CCNL2: variants seen among roughly 807,000 people sequenced by gnomAD.
CCNL2 encodes the protein cyclin-L2.
In CCNL2, 28 loss-of-function variants were observed where a neutral mutation model predicts 59.1. That is an observed-to-expected ratio of 0.47 (90% CI 0.35 to 0.65). CCNL2 has a LOEUF of 0.65. Among genes scored for constraint, CCNL2 ranks in the 30% least tolerant of loss-of-function variants. The pLI is 0.00. For missense variants in CCNL2, 714 were observed against 717.4 expected (o/e 1.00, Z 0.05); for synonymous variants, 342 against 288.6 (o/e 1.19, Z -1.88).
intron 8 of CCNL2, chr1:1,388,675 G>C: frequency 2.3e-6 from 1 of 430,104 alleles, no homozygotes; most frequent in Non-Finnish European, 4.6e-6. Context: ...GGAGGCTGAG[G>C]CACAAGAATC....
At chr1:1,395,862 G>T (rs538582142) in intron 3 of CCNL2, among the ~76,000 whole-genome samples, 1 of 152,258 alleles carries the variant, frequency 6.6e-6, no homozygotes, top group South Asian at 2.1e-4. Flanking sequence ...AATAACCACA[G>T]AACCAATGAA....
rs1202477971 is a variant in CCNL2, at chr1:1,385,825, TCTTA to T, written c.*1402_*1405del. On this transcript the variant is annotated 3_prime_UTR_variant, in exon 11 of 11. Coordinates refer to ENST00000400809, the MANE Select transcript of CCNL2 (RefSeq NM_030937.6). Reference sequence around the variant, plus strand: ...GGTGTGTATGGCCCTTTACTGGTTCTCTTACTTCCAGGCACAGGAAGCTAGGGGG... The same window carrying T: ...GGTGTGTATGGCCCTTTACTGGTTCTCTTCCAGGCACAGGAAGCTAGGGGG... 3 of 152,150 alleles carry T rather than the reference TCTTA, an allele frequency of 2.0e-5. No homozygotes were observed. The highest frequency in any genetic ancestry group is 6.5e-5 in the Admixed American group (1 of 15,274). The allele number at this position is 152,150 out of a possible 1,614,324, so 9.4% of individuals were successfully genotyped here.
rs1304204177 is a variant in CCNL2 at position 1,391,427 on chromosome 1, T to C, written c.660-562A>G. 3 of 1,211,148 alleles carry C rather than the reference T, an allele frequency of 2.5e-6. No individual in the cohort carries two copies. The African/African-American group carries it at 4.8e-5, about 20-fold the overall frequency. The allele number at this position is 1,211,148 out of a possible 1,614,324, so 75.0% of individuals were successfully genotyped here. On this transcript the variant is annotated intron_variant, in intron 5 of 10. Transcript: ENST00000400809. ...TCTGCTGACCGAGCTGCAGCTTCCT[T>C]GAAGGAGTCCACTTGGAAGAGGGAA...
chr1:1,392,919 G>A (rs1644829288), intron 5 of CCNL2: 1 of 1,053,578 alleles, frequency 9.5e-7, no homozygotes, highest in Non-Finnish European at 1.4e-6. Context: ...AACTCCATGG[G>A]AAAAAATTCA....
chr1:1,390,269 G>T lies in CCNL2; in HGVS notation c.967C>A (p.Leu323Met). Residue 323 changes from leucine to methionine, a missense_variant, in exon 8 of 11, where the codon CTG becomes ATG. This residue lies in a region of CCNL2 where 403 missense variants were observed against 377.7 expected (regional missense o/e 1.07). Coordinates refer to ENST00000400809, the MANE Select transcript of CCNL2 (RefSeq NM_030937.6). ...RGLLPGGTQV[L>M]DGTSGFSPAP... ...GGAGAGAACCCCGAGGTACCATCCA[G>T]CACCTGTGTGCCCCCAGGCAACAGG... The T allele has an allele frequency of 6.2e-7, 1 of 1,613,752 alleles. No homozygotes were observed. The highest frequency in any genetic ancestry group is 8.5e-7 in the Non-Finnish European group (1 of 1,179,742).
intron 3 of CCNL2, 36 bp from the exon 4 acceptor site, chr1:1,395,550 C>T (rs772992705): frequency 1.2e-6 from 2 of 1,611,914 alleles, no homozygotes; most frequent in Non-Finnish European, 1.7e-6. Context: ...GCACCACAGT[C>T]AAGCAGAGCA....
In CCNL2 at chr1:1,390,217, C is replaced by T. The variant is rs757593691; in HGVS notation, c.1006+13G>A. On this transcript the variant is annotated intron_variant, in intron 8 of 10. Coordinates refer to ENST00000400809, the MANE Select transcript of CCNL2 (RefSeq NM_030937.6). ...TTTGTGGGGAGTGGATTCCTGCACT[C>T]TAACAGACTCACCCAGCTTGGGGGC... is the stretch of plus-strand genomic sequence containing the variant. 6.2e-7 allele frequency: 1 copy of T among 1,600,716 alleles called. No individual in the cohort carries two copies. The highest frequency in any genetic ancestry group is 1.1e-5 in the South Asian group (1 of 90,356).
At position 1,387,405 on chromosome 1, in the gene CCNL2, G is replaced by C. The variant is rs757699796; in HGVS notation, c.1389C>G (p.Ser463Arg). Residue 463 changes from serine (S) to arginine (R), a missense_variant, in exon 11 of 11, where the codon AGC (serine) becomes AGG (arginine). Ser to Arg is a moderately radical substitution (Grantham distance 110). Around this residue, in one of 5 missense-constraint regions of CCNL2, gnomAD observed 403 missense variants for 377.7 expected, o/e 1.07. Coordinates refer to ENST00000400809, the MANE Select transcript of CCNL2 (RefSeq NM_030937.6). The stretch of plus-strand genomic sequence containing the variant: ...TGCTTCGAGAACGGGAAGAACTCCG[G>C]CTCCGAGACTTGTGTGGCTTCTGGG... The part of the protein sequence containing the change: ...KYPQKPHKSR[S>R]RSSSRSRSRS... The C allele has an allele frequency of 6.2e-7, 1 of 1,614,102 alleles. No individual in the cohort carries two copies. Among genetic ancestry groups the C allele is most frequent in the Non-Finnish European group, 8.5e-7 (1 of 1,180,032 alleles).
chr1:1,388,678 CAAG>C (rs1193331234), intron 8 of CCNL2: 1 of 400,408 alleles, frequency 2.5e-6, no homozygotes, highest in Non-Finnish European at 4.8e-6. Context: ...GGCTGAGGCA[CAAG>C]AATCACCAGA....
intron 3 of CCNL2, among the ~76,000 whole-genome samples, chr1:1,397,163 A>G (rs1447720763): frequency 3.3e-5 from 5 of 152,236 alleles, no homozygotes; most frequent in African/African-American, 1.2e-4. Flanking sequence ...ATTACAGGCC[A>G]GCCCGGCCAG....
Position 1,387,193 on chromosome 1 carries a change from G to A in CCNL2, c.*38C>T, listed in dbSNP as rs1385029053. On this transcript the variant is annotated 3_prime_UTR_variant, in exon 11 of 11. Coordinates refer to ENST00000400809, the MANE Select transcript of CCNL2 (RefSeq NM_030937.6). ...AAGGGCAGCCATCAGGTACTCCCCA[G>A]GGAAGGGCTTGCGGCCACCAGTCAC... The A allele has an allele frequency of 3.2e-6, 5 of 1,553,466 alleles. 1 individual carries two copies. In the South Asian group the frequency reaches 5.8e-5, roughly 18 times the overall value.
intron 3 of CCNL2, 113 bp from the exon 4 acceptor site, chr1:1,395,627 C>T (rs1644977107): frequency 1.4e-6 from 2 of 1,445,112 alleles, no homozygotes; most frequent in Non-Finnish European, 1.9e-6. Context: ...AACACAACAT[C>T]GCTATGAAGT....
intron 10 of CCNL2, 37 bp from the exon 11 acceptor site, chr1:1,387,619 T>A: frequency 6.9e-7 from 1 of 1,456,948 alleles, no homozygotes; most frequent in South Asian, 1.4e-5. Context: ...CGTGTGACCA[T>A]CTGGCCCGGC....
In CCNL2 at chr1:1,387,265, C is replaced by T. The variant is rs778265882; in HGVS notation, c.1529G>A (p.Arg510Gln). 73 of 1,610,454 alleles carry T rather than the reference C, an allele frequency of 4.5e-5. No individual in the cohort carries two copies. The Admixed American group carries it at 8.3e-4, about 18-fold the overall frequency. Residue 510 changes from arginine to glutamine, a missense_variant, in exon 11 of 11, where the codon CGG becomes CAG. Transcript: ENST00000400809. ...SYERTGRRYERDHPGHSRHRR is the reference protein window; with the variant it reads ...SYERTGRRYEQDHPGHSRHRR ...ATGCCTGCTGTGCCCAGGGTGGTCC[C>T]GCTCATAGCGACGGCCTGTGCGTTC...
rs1645237826 is a variant in CCNL2 at position 1,399,264 on chromosome 1, C to A, written c.43G>T (p.Ala15Ser). 6.4e-7 allele frequency: 1 copy of A among 1,568,944 alleles called. No homozygotes were observed. The highest frequency in any genetic ancestry group is 8.6e-7 in the Non-Finnish European group (1 of 1,161,626). The stretch of plus-strand genomic sequence containing the variant: ...GGGGCGCCGGCCGCTGCCGCGGGAG[C>A]TGCCGACCCTGCAGCACCAGCCGCC... ...AAAAGAAGSA[A>S]PAAAAGAPGS... The change falls in exon 1 of 11, where the codon GCT becomes TCT. Residue 15 changes from alanine to serine, a missense_variant. Coordinates refer to ENST00000400809, the MANE Select transcript of CCNL2 (RefSeq NM_030937.6).
intron 8 of CCNL2, 148 bp from the exon 9 acceptor site, chr1:1,388,213 TAC>T: frequency 3.1e-6 from 2 of 642,534 alleles, no homozygotes; most frequent in Non-Finnish European, 5.5e-6. Flanking sequence ...ACCCAGAACT[TAC>T]ACAGACATCA....
chr1:1,390,641 C>A (rs1644714810), intron 6 of CCNL2, 78 bp from the exon 7 acceptor site: 3 of 1,478,596 alleles, frequency 2.0e-6, no homozygotes, highest in Non-Finnish European at 2.8e-6. Context: ...TAAAAAACAG[C>A]CTGTTGGTCA....
In CCNL2 at chr1:1,399,261, G is replaced by A; in HGVS notation, c.46C>T (p.Pro16Ser). ...AAAGAAGSAA[P>S]AAAAGAPGSG... ...CCCGGGGCGCCGGCCGCTGCCGCGGGAGCTGCCGACCCTGCAGCACCAGCC... is the reference window on the plus strand; with the variant it reads ...CCCGGGGCGCCGGCCGCTGCCGCGGAAGCTGCCGACCCTGCAGCACCAGCC... The change falls in exon 1 of 11, where the codon CCC becomes TCC. Residue 16 changes from proline to serine, a missense_variant. Around this residue, in one of 5 missense-constraint regions of CCNL2, gnomAD observed 270 missense variants for 254.9 expected, o/e 1.06. Transcript: ENST00000400809. The A allele has an allele frequency of 6.3e-7, 1 of 1,577,222 alleles. No homozygotes were observed. The highest frequency in any genetic ancestry group is 8.6e-7 in the Non-Finnish European group (1 of 1,165,422).
At chr1:1,389,654 A>G (rs1022682286) in intron 8 of CCNL2, among the ~76,000 whole-genome samples, 7 of 152,006 alleles carry the variant, frequency 4.6e-5, no homozygotes, top group Non-Finnish European at 7.4e-5. Context: ...ACTCAACTAA[A>G]AAGATAAAGA....
Sources: allele counts gnomAD v4.1 joint callset (sites outside exome capture counted in the v4.1 genomes callset), GRCh38; gene constraint gnomAD v4.1.1; regional missense constraint gnomAD v4.1.1; transcripts MANE v1.5; gene names NCBI Gene and HGNC (gene_info 2026-07-23, HGNC 2026-07-21).